The following ALDH1A3 variants were observed in gnomAD, a reference collection of about 807,000 sequenced individuals.
ALDH1A3 encodes aldehyde dehydrogenase 1 family member A3, also known as retinaldehyde dehydrogenase 3.
Under a neutral mutation model 57.5 loss-of-function variants are expected in ALDH1A3, and 28 were observed. The observed-to-expected ratio is 0.49, with a 90% CI of 0.36 to 0.67. The LOEUF is 0.67. ALDH1A3 is among the 30% of genes least tolerant of loss of function. ALDH1A3 has a pLI of 0.00. For missense variants in ALDH1A3, 507 were observed against 669.4 expected (o/e 0.76, Z 2.68); for synonymous variants, 281 against 264.8 (o/e 1.06, Z -0.59).
Position 100,887,843 on chromosome 15 carries a change from A to G in ALDH1A3, c.345+131A>G. The G allele has an allele frequency of 8.7e-7, 1 of 1,142,864 alleles. No homozygotes were observed. Among genetic ancestry groups the G allele is most frequent in the Non-Finnish European group, 1.2e-6 (1 of 854,304 alleles). The allele number at this position is 1,142,864 out of a possible 1,614,324, so 70.8% of individuals were successfully genotyped here. ...TCGTGGGTCTGTTCCATCCTCTGAGACACGGCTCTCTGGCAATACTTGCAG... is the reference window on the plus strand; with the variant it reads ...TCGTGGGTCTGTTCCATCCTCTGAGGCACGGCTCTCTGGCAATACTTGCAG... On this transcript the variant is annotated intron_variant, in intron 3 of 12. Coordinates refer to ENST00000329841, the MANE Select transcript of ALDH1A3 (RefSeq NM_000693.4). This position sits in a 1 kb window ranked among gnomAD's most constrained non-coding sequence, Gnocchi z 4.6.
chr15:100,905,749 A>G (rs1224412153), intron 10 of ALDH1A3, 62 bp downstream of exon 10: 3 of 1,426,876 alleles, frequency 2.1e-6, no homozygotes, highest in Non-Finnish European at 2.8e-6. Flanking sequence ...GTCCTTCCCT[A>G]GGGCCCAGGG....
chr15:100,907,202 C>G lies in ALDH1A3; in HGVS notation c.1315C>G (p.Leu439Val). The change falls in exon 11 of 13, where the codon CTC (leucine) becomes GTC (valine). Residue 439 changes from leucine to valine, a missense_variant. Leu to Val is a conservative substitution (Grantham distance 32). Around this residue, in one of 2 missense-constraint regions of ALDH1A3, gnomAD observed 432 missense variants for 608.4 expected, o/e 0.71. Coordinates refer to ENST00000329841, the MANE Select transcript of ALDH1A3 (RefSeq NM_000693.4). ...IKRANSTDYG[L>V]TAAVFTKNLD... ...AAGAGCGAATAGCACCGACTATGGA[C>G]TCACAGCAGCCGTGTTCACAAAAAA... 6.2e-7 allele frequency: 1 copy of G among 1,614,196 alleles called. No homozygotes were observed.
Position 100,879,899 on chromosome 15 carries a change from G to C in ALDH1A3, c.-9G>C. 7.1e-7 allele frequency: 1 copy of C among 1,415,368 alleles called. No homozygotes were observed. Among genetic ancestry groups the C allele is most frequent in the Non-Finnish European group, 9.3e-7 (1 of 1,079,440 alleles). 87.7% of individuals were successfully genotyped at this position (1,415,368 alleles called of 1,614,324 possible). On this transcript the variant is annotated 5_prime_UTR_variant, in exon 1 of 13. Transcript: ENST00000329841. ...TAGGGCGCCTCGGGCCAGGGAGCGC[G>C]GAGGAGCCATGGCCACCGCTAACGG...
In ALDH1A3 at chr15:100,914,925, TCA is replaced by T. The variant is rs1277988966; in HGVS notation, c.*154_*155del. ...GAGTTGAATGATTGCTGTTTTCCTC[TCA>T]CTCTCCTGTTTATTCACCAGACTGG... is the stretch of plus-strand genomic sequence containing the variant. On this transcript the variant is annotated 3_prime_UTR_variant, in exon 13 of 13. Coordinates refer to ENST00000329841, the MANE Select transcript of ALDH1A3 (RefSeq NM_000693.4). 2 of 700,890 alleles carry T rather than the reference TCA, an allele frequency of 2.9e-6. No homozygotes were observed. Among genetic ancestry groups the T allele is most frequent in the Non-Finnish European group, 4.7e-6 (2 of 421,634 alleles). 43.4% of individuals were successfully genotyped at this position (700,890 alleles called of 1,614,324 possible).
At position 100,892,520 on chromosome 15, in the gene ALDH1A3, C is replaced by T. The variant is rs1188366940; in HGVS notation, c.356C>T (p.Thr119Met). The change falls in exon 4 of 13, where the codon ACG (threonine) becomes ATG (methionine). Residue 119 changes from threonine to methionine, a missense_variant. Coordinates refer to ENST00000329841, the MANE Select transcript of ALDH1A3 (RefSeq NM_000693.4). ...RDRATLAALE[T>M]MDTGKPFLHA... ...ATCTTGTTATTGCAGGCCCTGGAGA[C>T]GATGGATACAGGGAAGCCATTTCTT... The T allele has an allele frequency of 5.0e-6, 8 of 1,612,608 alleles. No individual in the cohort carries two copies. The highest frequency in any genetic ancestry group is 1.7e-4 in the Middle Eastern group (1 of 6,060).
Position 100,914,807 on chromosome 15 carries a change from C to T in ALDH1A3, c.*34C>T, listed in dbSNP as rs371987999. ...CGGGGCTCCTTCCTCAAACATCGGA[C>T]GGCGGAATGTGGCAGATGAAATGTG... On this transcript the variant is annotated 3_prime_UTR_variant, in exon 13 of 13. Coordinates refer to ENST00000329841, the MANE Select transcript of ALDH1A3 (RefSeq NM_000693.4). 33 of 1,601,774 alleles carry T rather than the reference C, an allele frequency of 2.1e-5. No individual in the cohort carries two copies. The highest frequency in any genetic ancestry group is 6.7e-5 in the African/African-American group (5 of 74,782).
chr15:100,903,571 A>G (rs2041792373), intron 9 of ALDH1A3, among the ~76,000 whole-genome samples: 1 of 152,208 alleles, frequency 6.6e-6, no homozygotes, highest in Admixed American at 6.5e-5. Flanking sequence ...GTGGGAACAC[A>G]TTTCTAATTT....
chr15:100,896,175 C>A, intron 7 of ALDH1A3, 129 bp downstream of exon 7: 4 of 718,202 alleles, frequency 5.6e-6, no homozygotes, highest in Admixed American at 5.5e-5. Flanking sequence ...TAGTACATAA[C>A]AACCAGTTAA....
chr15:100,888,296 A>G (rs1055760766), intron 3 of ALDH1A3, among the ~76,000 whole-genome samples: 5 of 152,054 alleles, frequency 3.3e-5, no homozygotes, highest in Non-Finnish European at 7.4e-5. Context: ...ACAGGGTTTC[A>G]TCATGTTGGC....
At chr15:100,903,131 T>C (rs1042929457) in intron 9 of ALDH1A3, among the ~76,000 whole-genome samples, 1 of 152,146 alleles carries the variant, frequency 6.6e-6, no homozygotes, top group Admixed American at 6.5e-5. Context: ...ACGTCTATAG[T>C]GAAAGGATTC....
chr15:100,897,064 A>T (rs1168326927), intron 7 of ALDH1A3, among the ~76,000 whole-genome samples: 7 of 152,148 alleles, frequency 4.6e-5, no homozygotes. Flanking sequence ...TTCTGTACTT[A>T]AAAAAGAAAA....
intron 12 of ALDH1A3, 93 bp from the exon 13 acceptor site, chr15:100,914,608 C>A: frequency 8.1e-7 from 1 of 1,236,706 alleles, no homozygotes. Flanking sequence ...AAGCCTCCAA[C>A]GGCCTGATGG....
Position 100,887,702 on chromosome 15 carries a change from C to A in ALDH1A3, c.335C>A (p.Ala112Asp). The change falls in exon 3 of 13, where the codon GCC becomes GAC. Residue 112 changes from alanine (A) to aspartate (D), a missense_variant. Ala to Asp is a moderately radical substitution (Grantham distance 126). Coordinates refer to ENST00000329841, the MANE Select transcript of ALDH1A3 (RefSeq NM_000693.4). The surrounding 1 kb of genome is among the most constrained non-coding windows in gnomAD (Gnocchi z 4.6). Reference protein sequence around the residue: ...QLADLVERDRATLAALETMDT... With the variant: ...QLADLVERDRDTLAALETMDT... ...GCTGACCTGGTGGAGAGGGACCGCG[C>A]CACCTTGGCCGTGAGTACATGCACT... The A allele has an allele frequency of 5.0e-6, 8 of 1,602,318 alleles. No individual in the cohort carries two copies. Among genetic ancestry groups the A allele is most frequent in the Non-Finnish European group, 6.8e-6 (8 of 1,173,490 alleles).
In ALDH1A3 at chr15:100,914,741, G is replaced by A. The variant is rs974269391; in HGVS notation, c.1507G>A (p.Val503Ile). 6.2e-7 allele frequency: 1 copy of A among 1,614,102 alleles called. No homozygotes were observed. Among genetic ancestry groups the A allele is most frequent in the Non-Finnish European group, 8.5e-7 (1 of 1,180,016 alleles). The change falls in exon 13 of 13, where the codon GTC (valine) becomes ATC (isoleucine). Residue 503 changes from valine to isoleucine, a missense_variant. Coordinates refer to ENST00000329841, the MANE Select transcript of ALDH1A3 (RefSeq NM_000693.4). ...GGCCGAATACACAGAAGTGAAAACTGTCACCATCAAACTTGGCGACAAGAA... is the reference window on the plus strand; with the variant it reads ...GGCCGAATACACAGAAGTGAAAACTATCACCATCAAACTTGGCGACAAGAA... ...ALAEYTEVKTVTIKLGDKNP is the reference protein window; with the variant it reads ...ALAEYTEVKTITIKLGDKNP
intron 4 of ALDH1A3, 74 bp downstream of exon 4, chr15:100,892,713 C>T (rs1184187217): frequency 6.5e-7 from 1 of 1,532,184 alleles, no homozygotes; most frequent in Non-Finnish European, 8.8e-7. Context: ...AGAGCCCCCC[C>T]TGACTGTTTC....
intron 12 of ALDH1A3, chr15:100,913,680 T>C (rs1183489028): frequency 6.6e-6 from 1 of 152,234 alleles, no homozygotes. Context: ...GATCCAATTT[T>C]GGATACCTGG....
At chr15:100,895,732 A>G in intron 6 of ALDH1A3, 3 of 590,854 alleles carry the variant, frequency 5.1e-6, no homozygotes, top group Non-Finnish European at 9.1e-6. Flanking sequence ...CAGCCTGCAC[A>G]CTGGGCTGGC....
At chr15:100,888,081 A>G (rs556254464) in intron 3 of ALDH1A3, among the ~76,000 whole-genome samples, 1 of 151,846 alleles carries the variant, frequency 6.6e-6, no homozygotes, top group East Asian at 1.9e-4. Flanking sequence ...TTTTGTATAA[A>G]CTTCCTTTTA....
intron 3 of ALDH1A3, chr15:100,892,227 G>T (rs566452377): frequency 7.9e-6 from 3 of 379,466 alleles, no homozygotes; most frequent in African/African-American, 2.2e-5. Flanking sequence ...CTTTAAATCC[G>T]CCTGGCCTCC....
Sources: allele counts gnomAD v4.1 joint callset (sites outside exome capture counted in the v4.1 genomes callset), GRCh38; gene constraint gnomAD v4.1.1; regional missense constraint gnomAD v4.1.1; non-coding constraint Gnocchi (gnomAD v3.1); transcripts MANE v1.5; gene names NCBI Gene and HGNC (gene_info 2026-07-23, HGNC 2026-07-21).